CCDC91: variants seen among roughly 807,000 people sequenced by gnomAD.
CCDC91 encodes coiled-coil domain containing 91, also known as coiled-coil domain-containing protein 91.
CCDC91 carries 48 observed loss-of-function variants against 63.2 expected under a neutral mutation model. The observed-to-expected ratio is 0.76, with a 90% confidence interval of 0.60 to 0.97. The LOEUF (loss-of-function observed/expected upper bound fraction) is 0.97. Among genes scored for constraint, CCDC91 ranks in the 50% least tolerant of loss-of-function variants. The probability of loss-of-function intolerance (pLI) is 0.00; values close to 1 mark genes in which losing one functional copy is unlikely to be tolerated. For missense variants in CCDC91, 500 were observed against 494.6 expected, an observed-to-expected ratio of 1.01 and a Z score of -0.10; for synonymous variants, 167 against 165.8, an observed-to-expected ratio of 1.01 and a Z score of -0.06.
chr12:28,295,451 C>T (rs1467674433), intron 3 of CCDC91, among the ~76,000 whole-genome samples: 1 of 151,946 alleles, frequency 6.6e-6, no homozygotes, highest in Non-Finnish European at 1.5e-5. Flanking sequence ...TGGAGTGTTG[C>T]AATAGTGATA....
chr12:28,327,845 C>T (rs2137583239), intron 6 of CCDC91, among the ~76,000 whole-genome samples: 1 of 152,194 alleles, frequency 6.6e-6, no homozygotes, highest in East Asian at 1.9e-4. Context: ...AGTGAGCTGC[C>T]ATGTTGAATC....
At chr12:28,409,972 T>C (rs1411904037) in intron 8 of CCDC91, among the ~76,000 whole-genome samples, 1 of 152,180 alleles carries the variant, frequency 6.6e-6, no homozygotes, top group Non-Finnish European at 1.5e-5. Context: ...TTTGTAAGCA[T>C]CCCTTGTCTA....
chr12:28,267,965 ATAAT>A (rs1381969166), intron 3 of CCDC91, among the ~76,000 whole-genome samples: 1 of 112,256 alleles, frequency 8.9e-6, no homozygotes, highest in East Asian at 2.2e-4. Context: ...ATAATTATAT[ATAAT>A]TAATATATAC....
intron 8 of CCDC91, among the ~76,000 whole-genome samples, chr12:28,417,711 C>T (rs1290999312): frequency 5.9e-5 from 9 of 151,708 alleles, no homozygotes; most frequent in Non-Finnish European, 1.2e-4. Context: ...CATCACATCA[C>T]AATGTTATTT....
intron 1 of CCDC91, among the ~76,000 whole-genome samples, chr12:28,232,310 C>T (rs1471579309): frequency 6.6e-6 from 1 of 151,990 alleles, no homozygotes; most frequent in Non-Finnish European, 1.5e-5. Context: ...TCTTACTGGT[C>T]TTTTGCTTTA....
At chr12:28,403,116 T>C (rs1432842864) in intron 8 of CCDC91, among the ~76,000 whole-genome samples, 1 of 152,202 alleles carries the variant, frequency 6.6e-6, no homozygotes, top group Admixed American at 6.5e-5. Context: ...TTTCCTGTGA[T>C]GTATTTGTCT....
chr12:28,229,713 G>A lies in CCDC91; in HGVS notation c.-14-27489G>A, dbSNP rs550618580. Among the ~76,000 whole-genome samples the A allele has an allele frequency of 2.0e-5, 3 of 152,232 alleles. No individual in the cohort carries two copies. In the South Asian group the frequency reaches 6.2e-4, roughly 32 times the overall value. On this transcript the variant is annotated intron_variant, in intron 1 of 12. Transcript: ENST00000536442. ...CCATCTCTAGTTGGAAACATCCCAGGGAAGGACTCTGATGGATCCAGCTTG... is the reference window on the plus strand; with the variant it reads ...CCATCTCTAGTTGGAAACATCCCAGAGAAGGACTCTGATGGATCCAGCTTG...
At chr12:28,336,497 C>G (rs1941993452) in intron 6 of CCDC91, among the ~76,000 whole-genome samples, 2 of 152,114 alleles carry the variant, frequency 1.3e-5, no homozygotes, top group South Asian at 4.1e-4. Flanking sequence ...TTAAAGAAAA[C>G]TTTCATAGAC....
At chr12:28,253,146 A>C (rs1302726074) in intron 1 of CCDC91, among the ~76,000 whole-genome samples, 1 of 152,150 alleles carries the variant, frequency 6.6e-6, no homozygotes, top group African/African-American at 2.4e-5. Context: ...GGATTTGTCA[A>C]AGTAGTATTT....
chr12:28,233,666 A>G (rs1944751436), intron 1 of CCDC91, among the ~76,000 whole-genome samples: 1 of 152,176 alleles, frequency 6.6e-6, no homozygotes, highest in Admixed American at 6.6e-5. Flanking sequence ...TTTTGTTAGC[A>G]TAAGTCAATT....
chr12:28,243,168 G>A (rs914731577), intron 1 of CCDC91, among the ~76,000 whole-genome samples: 1 of 152,212 alleles, frequency 6.6e-6, no homozygotes, highest in African/African-American at 2.4e-5. Flanking sequence ...CGCTGTGACT[G>A]AGAGATGGTC....
chr12:28,200,899 G>C (rs1942197295), intron 1 of CCDC91, among the ~76,000 whole-genome samples: 1 of 151,302 alleles, frequency 6.6e-6, no homozygotes, highest in Non-Finnish European at 1.5e-5. Context: ...TGGCCGGGCG[G>C]GGGGCTGACC....
chr12:28,539,392 G>C (rs1432134997), intron 12 of CCDC91, among the ~76,000 whole-genome samples: 1 of 152,092 alleles, frequency 6.6e-6, no homozygotes, highest in South Asian at 2.1e-4. Flanking sequence ...GTTTTTGTCA[G>C]GTTTGTCAAA....
intron 7 of CCDC91, among the ~76,000 whole-genome samples, chr12:28,372,715 C>T (rs1431671720): frequency 6.6e-6 from 1 of 152,034 alleles, no homozygotes; most frequent in Non-Finnish European, 1.5e-5. Context: ...TTTATCAAAT[C>T]TAAGAGTTTT....
intron 6 of CCDC91, among the ~76,000 whole-genome samples, chr12:28,362,016 C>G (rs927703168): frequency 6.6e-6 from 1 of 152,084 alleles, no homozygotes; most frequent in Non-Finnish European, 1.5e-5. Flanking sequence ...TTCATCCTCT[C>G]CTGTCCTAGG....
chr12:28,322,876 C>CAGTT (rs1475359270), intron 6 of CCDC91, among the ~76,000 whole-genome samples: 2 of 151,338 alleles, frequency 1.3e-5, no homozygotes, highest in African/African-American at 4.8e-5. Flanking sequence ...TTTAATATGC[C>CAGTT]AGTTAGAGAA....
At chr12:28,239,895 T>C (rs1474096994) in intron 1 of CCDC91, among the ~76,000 whole-genome samples, 1 of 152,182 alleles carries the variant, frequency 6.6e-6, no homozygotes, top group Non-Finnish European at 1.5e-5. Context: ...ATTGTTTTTA[T>C]CTTGTTTTGA....
intron 6 of CCDC91, among the ~76,000 whole-genome samples, chr12:28,311,524 A>G (rs1014373996): frequency 2.6e-5 from 4 of 151,974 alleles, no homozygotes; most frequent in African/African-American, 9.7e-5. Flanking sequence ...GCCTTTTGTG[A>G]CAGAGGTGGT....
chr12:28,248,355 G>C (rs886746085), intron 1 of CCDC91, among the ~76,000 whole-genome samples: 1 of 152,120 alleles, frequency 6.6e-6, no homozygotes, highest in African/African-American at 2.4e-5. Context: ...ATCTAAATTA[G>C]AGATAGAGAT....
Sources: gnomAD v4.1 joint callset for allele counts (sites outside exome capture counted in the v4.1 genomes callset) on GRCh38, gnomAD v4.1.1 for gene constraint, MANE v1.5 for transcripts, NCBI Gene and HGNC (gene_info 2026-07-23, HGNC 2026-07-21) for gene names.